AKAP13: variants seen among roughly 807,000 people sequenced by gnomAD.
The protein encoded by AKAP13 is A-kinase anchor protein 13.
A neutral mutation model predicts 264.5 loss-of-function variants in AKAP13; 80 were observed. The ratio of observed to expected loss-of-function variants is 0.30; its 90% CI spans 0.25 to 0.36. AKAP13 has a LOEUF of 0.36. AKAP13 is among the 10% of genes least tolerant of loss of function. AKAP13 has a pLI of 1.00. For missense variants in AKAP13, 3,712 were observed against 3,435.2 expected, an observed-to-expected ratio of 1.08 and a Z score of -2.01; for synonymous variants, 1,380 against 1,250.2, an observed-to-expected ratio of 1.10 and a Z score of -2.19.
Position 85,649,145 on chromosome 15 carries a change from T to C in AKAP13, c.4374+3191T>C, listed in dbSNP as rs559470421. On this transcript the variant is annotated intron_variant, in intron 10 of 36. Transcript: ENST00000394518. Reference sequence around the variant, plus strand: ...TACTGAACTAAATTTTTAAAATATTTGATCTCAATTTGTCTGCCCAGCAAC... The same window carrying C: ...TACTGAACTAAATTTTTAAAATATTCGATCTCAATTTGTCTGCCCAGCAAC... Among the ~76,000 whole-genome samples the C allele has an allele frequency of 3.3e-4, 51 of 152,332 alleles. 1 individual carries two copies. The highest frequency in any genetic ancestry group is 6.6e-4 in the Non-Finnish European group (45 of 68,034).
chr15:85,689,958 T>G (rs1310122453), intron 16 of AKAP13: 1 of 152,262 alleles, frequency 6.6e-6, no homozygotes, highest in Non-Finnish European at 1.5e-5. Flanking sequence ...AGCTCAAAGC[T>G]GCTGAGCTCT....
chr15:85,664,804 T>A (rs1356753793), intron 13 of AKAP13, 49 bp downstream of exon 13: 3 of 1,558,548 alleles, frequency 1.9e-6, no homozygotes, highest in Middle Eastern at 1.8e-4. Flanking sequence ...TCACAAAATA[T>A]GAACATAGAA....
At chr15:85,474,397 T>C (rs1373367177) in intron 1 of AKAP13, among the ~76,000 whole-genome samples, 1 of 152,268 alleles carries the variant, frequency 6.6e-6, no homozygotes, top group African/African-American at 2.4e-5. Context: ...TTAATTTTCA[T>C]GTGCTTTTAG....
chr15:85,688,980 G>C (rs908823143), intron 16 of AKAP13, among the ~76,000 whole-genome samples: 3 of 152,160 alleles, frequency 2.0e-5, no homozygotes, highest in Non-Finnish European at 4.4e-5. Flanking sequence ...TTCACAAAGG[G>C]AGTGTGGAAT....
intron 14 of AKAP13, among the ~76,000 whole-genome samples, chr15:85,675,851 T>G (rs1483777676): frequency 6.6e-6 from 1 of 152,084 alleles, no homozygotes; most frequent in Non-Finnish European, 1.5e-5. Flanking sequence ...GGTCGAATAA[T>G]GATTAGAACA....
At chr15:85,477,937 C>G (rs2075226448) in intron 1 of AKAP13, among the ~76,000 whole-genome samples, 1 of 152,170 alleles carries the variant, frequency 6.6e-6, no homozygotes, top group Non-Finnish European at 1.5e-5. Context: ...CAGCTACTCA[C>G]TGTGCTGTCA....
intron 17 of AKAP13, among the ~76,000 whole-genome samples, chr15:85,701,731 C>T (rs1030113805): frequency 6.6e-6 from 1 of 151,848 alleles, no homozygotes; most frequent in Non-Finnish European, 1.5e-5. Context: ...GCGTGAGCCA[C>T]CATGCCTGGC....
chr15:85,661,886 C>T (rs1299718532), intron 12 of AKAP13, among the ~76,000 whole-genome samples: 10 of 140,706 alleles, frequency 7.1e-5, no homozygotes, highest in African/African-American at 2.2e-4. Context: ...TGGTTGGATC[C>T]GTAATGGAAA....
chr15:85,735,985 G>A lies in AKAP13; in HGVS notation c.7513-105G>A, dbSNP rs1307915161. On this transcript the variant is annotated intron_variant, in intron 32 of 36. Transcript: ENST00000394518. ...TAAACCTTCACTACCTTAGTGAGAG[G>A]CTGTGGTAGAAAATGGAAAGCTACA... 8 of 916,102 alleles carry A rather than the reference G, an allele frequency of 8.7e-6. No homozygotes were observed. The African/African-American group carries it at 1.3e-4, about 15-fold the overall frequency. The allele number at this position is 916,102 out of a possible 1,614,324, so 56.7% of individuals were successfully genotyped here. A position where few individuals can be genotyped will look rare whatever the true frequency, so the allele number is the denominator to read the frequency against.
intron 1 of AKAP13, among the ~76,000 whole-genome samples, chr15:85,416,418 C>T (rs1287443530): frequency 6.6e-6 from 1 of 152,098 alleles, no homozygotes; most frequent in East Asian, 1.9e-4. Context: ...TTTTTCCTCC[C>T]TGCTGGTAAG....
chr15:85,444,223 C>T (rs570103034), intron 1 of AKAP13, among the ~76,000 whole-genome samples: 1 of 152,080 alleles, frequency 6.6e-6, no homozygotes, highest in Admixed American at 6.5e-5. Context: ...TATATTTATT[C>T]CTGACAGGTG....
At chr15:85,637,259 G>A (rs970127591) in intron 8 of AKAP13, among the ~76,000 whole-genome samples, 1 of 152,186 alleles carries the variant, frequency 6.6e-6, no homozygotes, top group Non-Finnish European at 1.5e-5. Context: ...ATTCACCACT[G>A]AAGTCATCTA....
chr15:85,735,728 G>A, intron 32 of AKAP13, 98 bp downstream of exon 32: 1 of 1,168,362 alleles, frequency 8.6e-7, no homozygotes, highest in Non-Finnish European at 1.2e-6. Context: ...TTCGATGCCT[G>A]AATTGCTGCT....
At chr15:85,458,557 A>G (rs1266288733) in intron 1 of AKAP13, among the ~76,000 whole-genome samples, 2 of 151,710 alleles carry the variant, frequency 1.3e-5, no homozygotes, top group South Asian at 2.1e-4. Context: ...TTATTTCCAG[A>G]TTTTAATAGT....
intron 2 of AKAP13, among the ~76,000 whole-genome samples, chr15:85,488,243 T>A (rs909814921): frequency 6.6e-6 from 1 of 152,228 alleles, no homozygotes; most frequent in Admixed American, 6.5e-5. Context: ...GTTGAATTTT[T>A]AATGTTAAGG....
chr15:85,651,485 C>A (rs1290657529), intron 10 of AKAP13: 4 of 152,106 alleles, frequency 2.6e-5, no homozygotes, highest in Non-Finnish European at 5.9e-5. Flanking sequence ...GTGAAATGTA[C>A]AATCTTGAGG....
chr15:85,593,390 A>G (rs1402773519), intron 8 of AKAP13, among the ~76,000 whole-genome samples: 2 of 152,094 alleles, frequency 1.3e-5, no homozygotes, highest in African/African-American at 4.8e-5. Context: ...CAAAAGGACA[A>G]TCATGAGGGA....
intron 35 of AKAP13, among the ~76,000 whole-genome samples, chr15:85,742,441 G>A: frequency 6.6e-6 from 1 of 152,214 alleles, no homozygotes; most frequent in Admixed American, 6.5e-5. Context: ...GAACCCATGT[G>A]GCAGGATCGG....
intron 5 of AKAP13, among the ~76,000 whole-genome samples, chr15:85,568,612 A>G (rs1378687636): frequency 6.6e-6 from 1 of 152,164 alleles, no homozygotes; most frequent in Non-Finnish European, 1.5e-5. Flanking sequence ...TAGAGTGGAA[A>G]GAGATAGTAT....
Sources: allele counts gnomAD v4.1 joint callset (sites outside exome capture counted in the v4.1 genomes callset), GRCh38; gene constraint gnomAD v4.1.1; transcripts MANE v1.5; gene names NCBI Gene and HGNC (gene_info 2026-07-23, HGNC 2026-07-21).